KCNIP4: variants seen among roughly 807,000 people sequenced by gnomAD.
KCNIP4 encodes the protein Kv channel-interacting protein 4.
KCNIP4 carries 12 observed loss-of-function variants against 34.0 expected under a neutral mutation model. The ratio of observed to expected loss-of-function variants is 0.35; its 90% CI spans 0.23 to 0.57. The LOEUF is 0.57. KCNIP4 is among the 20% of genes least tolerant of loss of function. The pLI, the probability that KCNIP4 is intolerant of heterozygous loss-of-function variation, is 0.83. For missense variants in KCNIP4, 238 were observed against 311.7 expected, an observed-to-expected ratio of 0.76 and a Z score of 1.78; for synonymous variants, 124 against 102.2, an observed-to-expected ratio of 1.21 and a Z score of -1.29.
intron 2 of KCNIP4, among the ~76,000 whole-genome samples, chr4:20,856,162 G>A (rs1164051691): frequency 2.0e-5 from 3 of 152,176 alleles, no homozygotes; most frequent in Non-Finnish European, 4.4e-5. Flanking sequence ...CAACTATGTT[G>A]TATTATTGTA....
intron 1 of KCNIP4, among the ~76,000 whole-genome samples, chr4:21,810,981 A>C (rs1010064684): frequency 6.6e-6 from 1 of 152,170 alleles, no homozygotes; most frequent in Non-Finnish European, 1.5e-5. Flanking sequence ...TTAACATGAA[A>C]ATTTTTTTTA....
chr4:20,807,246 G>C (rs1031594861), intron 3 of KCNIP4, among the ~76,000 whole-genome samples: 14 of 152,066 alleles, frequency 9.2e-5, no homozygotes, highest in Non-Finnish European at 1.6e-4. Context: ...TCATTTACAC[G>C]TAATGTTAGT....
chr4:21,608,025 G>A (rs539297336), intron 1 of KCNIP4, among the ~76,000 whole-genome samples: 2 of 152,200 alleles, frequency 1.3e-5, no homozygotes, highest in East Asian at 3.9e-4. Flanking sequence ...CGGATGCTAA[G>A]GCTTGCCCTG....
intron 1 of KCNIP4, among the ~76,000 whole-genome samples, chr4:21,198,354 A>C (rs1236202734): frequency 6.6e-6 from 1 of 152,182 alleles, no homozygotes; most frequent in Non-Finnish European, 1.5e-5. Context: ...GAACAGAGAG[A>C]CATAATTTAA....
chr4:21,757,088 C>T (rs1419516149), intron 1 of KCNIP4, among the ~76,000 whole-genome samples: 2 of 122,110 alleles, frequency 1.6e-5, no homozygotes, highest in Non-Finnish European at 3.5e-5. Context: ...GCAACAGAGT[C>T]CTGTCTCAAA....
intron 1 of KCNIP4, among the ~76,000 whole-genome samples, chr4:21,292,002 T>A (rs1172234549): frequency 6.6e-6 from 1 of 152,026 alleles, no homozygotes; most frequent in East Asian, 1.9e-4. Flanking sequence ...AGTAGAAAAT[T>A]CCGTCTATGT....
At position 21,346,261 on chromosome 4, in the gene KCNIP4, A is replaced by C. The variant is rs1321278259; in HGVS notation, c.62-463552T>G. Among the ~76,000 whole-genome samples the C allele has an allele frequency of 9.7e-4, 108 of 111,468 alleles. No individual in the cohort carries two copies. In the South Asian group the frequency reaches 0.025, roughly 25 times the overall value. The allele number at this position is 111,468 out of a possible 152,430, so 73.1% of individuals were successfully genotyped here. On this transcript the variant is annotated intron_variant, in intron 1 of 8. Coordinates refer to ENST00000382152, the MANE Select transcript of KCNIP4 (RefSeq NM_025221.6). ...TAATATATATTATATATATAATTCT[A>C]TATATATAATATATAATATATATTC...
intron 1 of KCNIP4, among the ~76,000 whole-genome samples, chr4:21,200,921 A>G (rs1334473272): frequency 6.6e-6 from 1 of 152,152 alleles, no homozygotes; most frequent in Non-Finnish European, 1.5e-5. Context: ...CTTCTGATAT[A>G]GGCAAGAGAT....
intron 1 of KCNIP4, among the ~76,000 whole-genome samples, chr4:21,147,962 A>AAG (rs1553945857): frequency 8.9e-5 from 11 of 123,912 alleles, no homozygotes; most frequent in Admixed American, 2.6e-4. Flanking sequence ...AAAAAAAAAG[A>AAG]AAAAAAGTTC....
In KCNIP4 at chr4:21,058,438, T is replaced by TA. The variant is rs1289333127; in HGVS notation, c.62-175730dup. Among the ~76,000 whole-genome samples the TA allele has an allele frequency of 3.9e-5, 6 of 152,224 alleles. No individual in the cohort carries two copies. The East Asian group carries it at 1.2e-3, about 29-fold the overall frequency. Reference sequence around the variant, plus strand: ...TGAGAGCTCATTGTCCAGACTTGGATAAAAATGGGTTCCTAGTCCTGCCTC... The same window carrying TA: ...TGAGAGCTCATTGTCCAGACTTGGATAAAAAATGGGTTCCTAGTCCTGCCTC... On this transcript the variant is annotated intron_variant, in intron 1 of 8. Coordinates refer to ENST00000382152, the MANE Select transcript of KCNIP4 (RefSeq NM_025221.6).
intron 1 of KCNIP4, among the ~76,000 whole-genome samples, chr4:21,603,805 A>G (rs1381830044): frequency 6.6e-6 from 1 of 152,230 alleles, no homozygotes; most frequent in Non-Finnish European, 1.5e-5. Flanking sequence ...CAAAATCAAA[A>G]CTATAATATC....
chr4:21,202,744 T>C (rs1164836947), intron 1 of KCNIP4, among the ~76,000 whole-genome samples: 2 of 152,202 alleles, frequency 1.3e-5, no homozygotes, highest in Non-Finnish European at 2.9e-5. Flanking sequence ...TATTCCTCTA[T>C]GCTCAATGGA....
intron 1 of KCNIP4, among the ~76,000 whole-genome samples, chr4:21,445,138 T>C (rs1235664462): frequency 6.6e-6 from 1 of 152,172 alleles, no homozygotes; most frequent in African/African-American, 2.4e-5. Flanking sequence ...TACAAACAAA[T>C]GGAAGAACAT....
intron 1 of KCNIP4, among the ~76,000 whole-genome samples, chr4:21,878,278 G>C (rs746398322): frequency 1.3e-5 from 2 of 152,096 alleles, no homozygotes; most frequent in South Asian, 2.1e-4. Flanking sequence ...GTTTCACCAT[G>C]TTGGCCAGGC....
chr4:20,939,968 C>T (rs1731474938), intron 1 of KCNIP4, among the ~76,000 whole-genome samples: 1 of 152,226 alleles, frequency 6.6e-6, no homozygotes, highest in African/African-American at 2.4e-5. Flanking sequence ...CATATGTAAA[C>T]TCCTAAGCAA....
At chr4:21,399,587 G>T (rs1723297385) in intron 1 of KCNIP4, among the ~76,000 whole-genome samples, 2 of 150,254 alleles carry the variant, frequency 1.3e-5, no homozygotes, top group South Asian at 4.1e-4. Flanking sequence ...AGTCACTCAA[G>T]TACTAACTGG....
chr4:21,630,637 C>A (rs1745696400), intron 1 of KCNIP4, among the ~76,000 whole-genome samples: 1 of 152,082 alleles, frequency 6.6e-6, no homozygotes, highest in Non-Finnish European at 1.5e-5. Context: ...GCCATCAATT[C>A]CTTAGTGCTT....
chr4:21,040,905 T>C (rs1477060447), intron 1 of KCNIP4, among the ~76,000 whole-genome samples: 2 of 150,474 alleles, frequency 1.3e-5, no homozygotes, highest in African/African-American at 4.9e-5. Context: ...TTATTTTGGT[T>C]AACTGTCTTC....
rs200905808 is a variant in KCNIP4 at position 20,993,006 on chromosome 4, C to T, written c.62-110297G>A. On this transcript the variant is annotated intron_variant, in intron 1 of 8. Coordinates refer to ENST00000382152, the MANE Select transcript of KCNIP4 (RefSeq NM_025221.6). ...TCATGCCACTGCACTCCAGCACAGG[C>T]GACAGAGTGAGACTCCATCTCAAAA... is the stretch of plus-strand genomic sequence containing the variant. Among the ~76,000 whole-genome samples, 92 of 121,386 alleles carry T rather than the reference C, an allele frequency of 7.6e-4. 1 individual carries two copies. The East Asian group carries it at 0.019, about 25-fold the overall frequency. The allele number at this position is 121,386 out of a possible 152,430, so 79.6% of individuals were successfully genotyped here.
Sources: allele counts gnomAD v4.1 joint callset (sites outside exome capture counted in the v4.1 genomes callset), GRCh38; gene constraint gnomAD v4.1.1; transcripts MANE v1.5; gene names NCBI Gene and HGNC (gene_info 2026-07-23, HGNC 2026-07-21).